TMEM117: variants seen among roughly 807,000 people sequenced by gnomAD.
TMEM117 encodes transmembrane protein 117.
Under a neutral mutation model 52.4 loss-of-function variants are expected in TMEM117, and 27 were observed. The observed-to-expected ratio is 0.51, with a 90% CI of 0.38 to 0.71. TMEM117 has a LOEUF of 0.71. Among genes scored for constraint, TMEM117 ranks in the 30% least tolerant of loss-of-function variants. The pLI is 0.00. For synonymous variants in TMEM117, 215 were observed against 206.3 expected, an observed-to-expected ratio of 1.04 and a Z score of -0.36; for missense variants, 556 against 630.5, an observed-to-expected ratio of 0.88 and a Z score of 1.26.
rs551361603 is a variant in TMEM117 at position 44,043,840 on chromosome 12, G to T, written c.410+99498G>T. Reference sequence around the variant, plus strand: ...GAACAGGCATGGGAATGGATATTAAGGGTTTGGAATAATGGTGGAAGGAAC... The same window carrying T: ...GAACAGGCATGGGAATGGATATTAATGGTTTGGAATAATGGTGGAAGGAAC... On this transcript the variant is annotated intron_variant, in intron 3 of 7. Coordinates refer to ENST00000266534, the MANE Select transcript of TMEM117 (RefSeq NM_032256.3). 3.3e-5 allele frequency among the ~76,000 whole-genome samples: 5 copies of T among 152,304 alleles called. No individual in the cohort carries two copies. The East Asian group carries it at 9.6e-4, about 29-fold the overall frequency.
At chr12:44,210,318 A>AT (rs1949628851) in intron 4 of TMEM117, among the ~76,000 whole-genome samples, 1 of 152,178 alleles carries the variant, frequency 6.6e-6, no homozygotes. Context: ...TTTATTCTCC[A>AT]TCCTCATTGG....
At chr12:44,276,667 T>TA in intron 5 of TMEM117, among the ~76,000 whole-genome samples, 1 of 152,298 alleles carries the variant, frequency 6.6e-6, no homozygotes, top group African/African-American at 2.4e-5. Context: ...GTCTGAGAGA[T>TA]AATGCATATG....
intron 2 of TMEM117, among the ~76,000 whole-genome samples, chr12:43,853,260 T>C (rs12230727): frequency 0.038 from 5,780 of 152,276 alleles, 277 homozygotes; most frequent in African/African-American, 0.1. Context: ...ATCCTTTACA[T>C]GTTGTCTTTG....
At chr12:44,169,268 ACTGCCATTTTGTTTTCCACTGCTTCC>A (rs1242992721) in intron 4 of TMEM117, among the ~76,000 whole-genome samples, 5 of 152,170 alleles carry the variant, frequency 3.3e-5, no homozygotes, top group Non-Finnish European at 7.4e-5. Context: ...TTTTTGAGGA[ACTGCCATTTTGTTTTCCACTGCTTCC>A]ACAATTGCTA....
the TMEM117 span, among the ~76,000 whole-genome samples, chr12:43,823,725 G>C: frequency 6.6e-6 from 1 of 151,974 alleles, no homozygotes; most frequent in Non-Finnish European, 1.5e-5. Flanking sequence ...TGTTGGCCAG[G>C]ATGGTCTCGA....
chr12:44,298,646 A>T (rs1220996532), intron 5 of TMEM117, among the ~76,000 whole-genome samples: 3 of 149,802 alleles, frequency 2.0e-5, no homozygotes, highest in Non-Finnish European at 4.4e-5. Context: ...GTGTATACTT[A>T]TGCAAGATTT....
chr12:43,941,218 G>A (rs780704805), intron 2 of TMEM117, among the ~76,000 whole-genome samples: 2 of 152,148 alleles, frequency 1.3e-5, no homozygotes, highest in Admixed American at 1.3e-4. Context: ...TGTCAGAAAT[G>A]TATCCCTCTT....
chr12:44,175,060 G>C (rs1423449935), intron 4 of TMEM117, among the ~76,000 whole-genome samples: 1 of 152,178 alleles, frequency 6.6e-6, no homozygotes, highest in African/African-American at 2.4e-5. Context: ...GAAGGACCAG[G>C]CTTTACAGAT....
At chr12:43,911,427 T>C (rs1944498744) in intron 2 of TMEM117, among the ~76,000 whole-genome samples, 1 of 76,990 alleles carries the variant, frequency 1.3e-5, no homozygotes, top group African/African-American at 3.2e-5. Context: ...ATTCAGGACA[T>C]AGGCATGGGC....
At chr12:44,356,314 AC>A (rs950945584) in intron 6 of TMEM117, among the ~76,000 whole-genome samples, 17 of 152,130 alleles carry the variant, frequency 1.1e-4, no homozygotes, top group Admixed American at 4.6e-4. Context: ...AAAGGAGCAA[AC>A]CGTTAAGCTC....
intron 5 of TMEM117, among the ~76,000 whole-genome samples, chr12:44,238,482 C>T (rs920371837): frequency 1.4e-4 from 22 of 152,082 alleles, no homozygotes; most frequent in African/African-American, 3.1e-4. Context: ...CTCAACCTAC[C>T]TGGGCACAGT....
At chr12:44,365,569 T>G (rs1301737097) in intron 6 of TMEM117, among the ~76,000 whole-genome samples, 1 of 152,088 alleles carries the variant, frequency 6.6e-6, no homozygotes, top group African/African-American at 2.4e-5. Flanking sequence ...AACTGCTCTG[T>G]GAGCCTCAGT....
At chr12:43,869,927 A>G (rs906242684) in intron 2 of TMEM117, among the ~76,000 whole-genome samples, 4 of 151,532 alleles carry the variant, frequency 2.6e-5, no homozygotes, top group African/African-American at 9.7e-5. Flanking sequence ...ACCACCCCCC[A>G]TACTCTCCTA....
intron 2 of TMEM117, among the ~76,000 whole-genome samples, chr12:43,865,954 A>G (rs538102101): frequency 6.6e-6 from 1 of 151,866 alleles, no homozygotes; most frequent in Non-Finnish European, 1.5e-5. Context: ...TTTATTGTAC[A>G]TACAAAAAAC....
chr12:44,357,709 A>G (rs982871392), intron 6 of TMEM117, among the ~76,000 whole-genome samples: 1 of 152,168 alleles, frequency 6.6e-6, no homozygotes, highest in African/African-American at 2.4e-5. Context: ...GAATGCTTAT[A>G]CACTGTTGGT....
At chr12:43,859,695 A>C (rs903355764) in intron 2 of TMEM117, among the ~76,000 whole-genome samples, 1 of 152,184 alleles carries the variant, frequency 6.6e-6, no homozygotes, top group Non-Finnish European at 1.5e-5. Context: ...GGTGGCAATG[A>C]GAATGAAATG....
At chr12:44,063,526 G>A (rs915604688) in intron 3 of TMEM117, among the ~76,000 whole-genome samples, 4 of 151,598 alleles carry the variant, frequency 2.6e-5, no homozygotes, top group Admixed American at 2.6e-4. Flanking sequence ...GTACAGGTTT[G>A]TTACATATGT....
chr12:44,212,263 C>G (rs1449679676), intron 5 of TMEM117, among the ~76,000 whole-genome samples: 1 of 152,168 alleles, frequency 6.6e-6, no homozygotes, highest in Non-Finnish European at 1.5e-5. Flanking sequence ...GATCAATCGT[C>G]TCTTTGTCTA....
In TMEM117 at chr12:44,279,188, A is replaced by G. The variant is rs202070820; in HGVS notation, c.609-20392A>G. 5.9e-5 allele frequency among the ~76,000 whole-genome samples: 9 copies of G among 152,364 alleles called. No individual in the cohort carries two copies. In the East Asian group the frequency reaches 1.7e-3, roughly 29 times the overall value. The stretch of plus-strand genomic sequence containing the variant: ...CTATGACTGAGAAATATGTTTCTAC[A>G]AAGTGGAATGACTTGATATTAGGTA... On this transcript the variant is annotated intron_variant, in intron 5 of 7. Coordinates refer to ENST00000266534, the MANE Select transcript of TMEM117 (RefSeq NM_032256.3).
Sources: allele counts gnomAD v4.1 joint callset (sites outside exome capture counted in the v4.1 genomes callset), GRCh38; gene constraint gnomAD v4.1.1; transcripts MANE v1.5; gene names NCBI Gene and HGNC (gene_info 2026-07-23, HGNC 2026-07-21).